Variants in NLK observed in about 807,000 individuals in gnomAD.
The protein encoded by NLK is nemo like kinase.
In NLK, 11 loss-of-function variants were observed where a neutral mutation model predicts 59.0. The ratio of observed to expected loss-of-function variants is 0.19; its 90% CI spans 0.12 to 0.31. The LOEUF (loss-of-function observed/expected upper bound fraction) is 0.31, where lower values mean the gene tolerates loss of function less well. NLK is among the 10% of genes least tolerant of loss of function. The probability of loss-of-function intolerance (pLI) is 1.00; values close to 1 mark genes in which losing one functional copy is unlikely to be tolerated. For synonymous variants in NLK, 235 were observed against 235.9 expected (o/e 1.00, Z 0.03); for missense variants, 410 against 661.1 (o/e 0.62, Z 4.16).
chr17:28,123,150 T>C (rs1906139111), intron 2 of NLK, among the ~76,000 whole-genome samples: 1 of 152,210 alleles, frequency 6.6e-6, no homozygotes, highest in South Asian at 2.1e-4. Context: ...ATGAATTGTA[T>C]GACATGCACA....
At chr17:28,122,078 T>C (rs1041726095) in intron 1 of NLK, among the ~76,000 whole-genome samples, 3 of 152,210 alleles carry the variant, frequency 2.0e-5, no homozygotes, top group African/African-American at 7.2e-5. Flanking sequence ...CCCAGACTTC[T>C]AAGGAGGGGA....
chr17:28,178,193 T>C (rs1164700773), intron 7 of NLK, among the ~76,000 whole-genome samples: 1 of 152,212 alleles, frequency 6.6e-6, no homozygotes. Context: ...GGGTTAGCCA[T>C]CCCATTGTCT....
At chr17:28,149,637 A>G (rs1161345467) in intron 3 of NLK, among the ~76,000 whole-genome samples, 1 of 152,174 alleles carries the variant, frequency 6.6e-6, no homozygotes, top group East Asian at 1.9e-4. Flanking sequence ...CTATGATGGC[A>G]AGTCTGGCTT....
At chr17:28,051,327 G>C (rs1909246931) in intron 1 of NLK, among the ~76,000 whole-genome samples, 1 of 150,992 alleles carries the variant, frequency 6.6e-6, no homozygotes, top group African/African-American at 2.4e-5. Flanking sequence ...ATAAACCAGA[G>C]AACTTGATGT....
intron 7 of NLK, among the ~76,000 whole-genome samples, chr17:28,176,188 T>C (rs1052245008): frequency 6.6e-6 from 1 of 152,196 alleles, no homozygotes; most frequent in African/African-American, 2.4e-5. Context: ...GAGGTCTTCA[T>C]TTGGGGGTCT....
At chr17:28,179,266 G>A (rs1908801723) in intron 7 of NLK, among the ~76,000 whole-genome samples, 1 of 151,916 alleles carries the variant, frequency 6.6e-6, no homozygotes, top group African/African-American at 2.4e-5. Context: ...TTTTGAGACA[G>A]GGTCTCGCTC....
chr17:28,185,840 G>A (rs1909095026), intron 8 of NLK, among the ~76,000 whole-genome samples: 2 of 151,990 alleles, frequency 1.3e-5, no homozygotes, highest in Non-Finnish European at 2.9e-5. Flanking sequence ...GCCCGGCCAG[G>A]ACACAAAGTT....
At chr17:28,203,886 C>G in the NLK span, among the ~76,000 whole-genome samples, 1 of 152,160 alleles carries the variant, frequency 6.6e-6, no homozygotes. Context: ...TTGGGGCTGT[C>G]TTGTATCCAG....
At chr17:28,128,383 A>G (rs1906376457) in intron 2 of NLK, among the ~76,000 whole-genome samples, 1 of 152,218 alleles carries the variant, frequency 6.6e-6, no homozygotes, top group Non-Finnish European at 1.5e-5. Flanking sequence ...GGGCTAGAAC[A>G]ATTTTTAAAA....
At chr17:28,127,426 G>A (rs1431911489) in intron 2 of NLK, among the ~76,000 whole-genome samples, 1 of 152,184 alleles carries the variant, frequency 6.6e-6, no homozygotes, top group Non-Finnish European at 1.5e-5. Flanking sequence ...CAGACATGCT[G>A]TTCAGACATT....
intron 1 of NLK, among the ~76,000 whole-genome samples, chr17:28,073,197 CCAAAGCCAA>C: frequency 6.6e-6 from 1 of 152,272 alleles, no homozygotes; most frequent in African/African-American, 2.4e-5. Context: ...CTACCAAGAA[CCAAAGCCAA>C]TAAAGACCCT....
At chr17:28,047,881 A>G (rs536527524) in intron 1 of NLK, 82 of 398,124 alleles carry the variant, frequency 2.1e-4, no homozygotes, top group African/African-American at 1.6e-3. Context: ...AGAGTAGTAT[A>G]CTAAAGGGTA....
intron 3 of NLK, among the ~76,000 whole-genome samples, chr17:28,146,085 A>G (rs1445170799): frequency 6.6e-6 from 1 of 152,130 alleles, no homozygotes; most frequent in African/African-American, 2.4e-5. Context: ...GAATGTTGGA[A>G]AGAAATAGGG....
intron 3 of NLK, among the ~76,000 whole-genome samples, chr17:28,152,571 A>C (rs1397361488): frequency 6.6e-6 from 1 of 152,182 alleles, no homozygotes; most frequent in Non-Finnish European, 1.5e-5. Flanking sequence ...AAAGCAAAAA[A>C]AAAGTCAGTA....
intron 1 of NLK, among the ~76,000 whole-genome samples, chr17:28,070,269 G>A (rs1012374143): frequency 6.6e-5 from 10 of 151,752 alleles, no homozygotes; most frequent in Admixed American, 6.6e-4. Flanking sequence ...CTAGTGCCAA[G>A]GTCATGAAAC....
intron 7 of NLK, among the ~76,000 whole-genome samples, chr17:28,173,135 CT>C (rs1432178852): frequency 9.8e-5 from 15 of 152,332 alleles, no homozygotes; most frequent in South Asian, 4.1e-4. Context: ...AGCCAAGTCA[CT>C]GCTGAGAAAG....
At chr17:28,162,307 G>A (rs958598180) in intron 4 of NLK, among the ~76,000 whole-genome samples, 4 of 151,976 alleles carry the variant, frequency 2.6e-5, no homozygotes, top group African/African-American at 4.8e-5. Flanking sequence ...GAGCCACTGC[G>A]CCCAGCCACA....
intron 3 of NLK, among the ~76,000 whole-genome samples, chr17:28,159,245 G>C (rs1250246947): frequency 1.3e-5 from 2 of 152,184 alleles, no homozygotes; most frequent in African/African-American, 4.8e-5. Context: ...ACCATTTTAA[G>C]GACTGGCTTT....
At chr17:28,132,266 G>A (rs1292377374) in intron 2 of NLK, among the ~76,000 whole-genome samples, 1 of 152,162 alleles carries the variant, frequency 6.6e-6, no homozygotes, top group Non-Finnish European at 1.5e-5. Flanking sequence ...GTAAAGATTT[G>A]TTGAACAGAG....
Sources: gnomAD v4.1 joint callset for allele counts (sites outside exome capture counted in the v4.1 genomes callset) on GRCh38, gnomAD v4.1.1 for gene constraint, MANE v1.5 for transcripts, NCBI Gene and HGNC (gene_info 2026-07-23, HGNC 2026-07-21) for gene names.